ARHGAP45: variants seen among roughly 807,000 people sequenced by gnomAD.
ARHGAP45 encodes Rho GTPase activating protein 45.
Under a neutral mutation model 116.1 loss-of-function variants are expected in ARHGAP45, and 56 were observed. That is an observed-to-expected ratio of 0.48 (90% CI 0.39 to 0.60). The LOEUF (loss-of-function observed/expected upper bound fraction) is 0.60. ARHGAP45 is among the 20% of genes least tolerant of loss of function. ARHGAP45 has a pLI of 0.00. For missense variants in ARHGAP45, 1,622 were observed against 1,601.0 expected, an observed-to-expected ratio of 1.01 and a Z score of -0.22; for synonymous variants, 866 against 701.7, an observed-to-expected ratio of 1.23 and a Z score of -3.70.
rs1206224214 is a variant in ARHGAP45, at chr19:1,080,517, G to A, written c.1882G>A (p.Asp628Asn). The change falls in exon 15 of 23, where the codon GAC (aspartate) becomes AAC (asparagine). Residue 628 changes from aspartate (D) to asparagine (N), a missense_variant. By Grantham distance (23) the Asp-to-Asn change is conservative. Around this residue, in one of 3 missense-constraint regions of ARHGAP45, gnomAD observed 1,334 missense variants for 1,263.8 expected, o/e 1.06. Transcript: ENST00000313093. ...ATGGCCGCTCTCGATCTCAGACTCG[G>A]ACAGTGGGCTGGACCCCGGCCCTGG... ...KSWPLSISDS[D>N]SGLDPGPGAG... 1.1e-5 allele frequency: 17 copies of A among 1,612,950 alleles called. No homozygotes were observed. The highest frequency in any genetic ancestry group is 1.4e-5 in the Non-Finnish European group (17 of 1,179,984).
At chr19:1,083,646 C>T (rs1391191159) in intron 21 of ARHGAP45, among the ~76,000 whole-genome samples, 2 of 152,194 alleles carry the variant, frequency 1.3e-5, no homozygotes, top group African/African-American at 2.4e-5. Flanking sequence ...TTTCCCATCC[C>T]GGTGCTGCCT....
Position 1,067,419 on chromosome 19 carries a change from A to G in ARHGAP45, c.14A>G (p.Lys5Arg). Residue 5 changes from lysine (K) to arginine (R), a missense_variant, in exon 1 of 23, where the codon AAG becomes AGG. Lys to Arg is a conservative substitution (Grantham distance 26, BLOSUM62 2). Coordinates refer to ENST00000313093, the MANE Select transcript of ARHGAP45 (RefSeq NM_012292.5). MFSR[K>R]KRELMKTPSI... ...CGGGGCCCCATCATGTTCTCCAGGA[A>G]GAAACGAGAGCTCATGAAAACCCCT... 1.3e-6 allele frequency: 2 copies of G among 1,597,100 alleles called. No homozygotes were observed. The highest frequency in any genetic ancestry group is 1.7e-6 in the Non-Finnish European group (2 of 1,172,578).
In ARHGAP45 at chr19:1,073,885, G is replaced by A. The variant is rs1276267165; in HGVS notation, c.724-63G>A. 5 of 1,530,988 alleles carry A rather than the reference G, an allele frequency of 3.3e-6. No individual in the cohort carries two copies. In the African/African-American group the frequency reaches 5.5e-5, roughly 17 times the overall value. 94.8% of individuals were successfully genotyped at this position (1,530,988 alleles called of 1,614,324 possible). On this transcript the variant is annotated intron_variant, in intron 5 of 22. Transcript: ENST00000313093. Reference sequence around the variant, plus strand: ...CTGGGGGAGGCAGCAACCGTCCCCTGAAGGGTGGGCACTGCCCAGGGCCCC... The same window carrying A: ...CTGGGGGAGGCAGCAACCGTCCCCTAAAGGGTGGGCACTGCCCAGGGCCCC...
chr19:1,077,032 T>C (rs915890813), intron 10 of ARHGAP45: 13 of 985,176 alleles, frequency 1.3e-5, no homozygotes, highest in Non-Finnish European at 1.4e-5. Context: ...CCTGGCGGTC[T>C]CCTAGTAATT....
In ARHGAP45 at chr19:1,078,333, C is replaced by T. The variant is rs1228514934; in HGVS notation, c.1374+288C>T. ...TAATTTTTTGTATTTTTAGTAGAGACGGGGTTTCACTGTGTTAGCCAGGAT... is the reference window on the plus strand; with the variant it reads ...TAATTTTTTGTATTTTTAGTAGAGATGGGGTTTCACTGTGTTAGCCAGGAT... On this transcript the variant is annotated intron_variant, in intron 11 of 22. Transcript: ENST00000313093. Among the ~76,000 whole-genome samples, 7 of 151,926 alleles carry T rather than the reference C, an allele frequency of 4.6e-5. No homozygotes were observed. The East Asian group carries it at 5.8e-4, about 13-fold the overall frequency.
In ARHGAP45 at chr19:1,077,750, G is replaced by A. The variant is rs1167644035; in HGVS notation, c.1186-107G>A. Reference sequence around the variant, plus strand: ...CCTCTGCATGCCCAGCTGGGCCATGGGGCCTTGCTGAGAGAGATGGGGGTG... The same window carrying A: ...CCTCTGCATGCCCAGCTGGGCCATGAGGCCTTGCTGAGAGAGATGGGGGTG... On this transcript the variant is annotated intron_variant, in intron 10 of 22. Coordinates refer to ENST00000313093, the MANE Select transcript of ARHGAP45 (RefSeq NM_012292.5). 23 of 1,535,576 alleles carry A rather than the reference G, an allele frequency of 1.5e-5. No individual in the cohort carries two copies. In the Admixed American group the frequency reaches 4.3e-4, roughly 29 times the overall value.
chr19:1,084,156 G>C, intron 21 of ARHGAP45, 82 bp from the exon 22 acceptor site: 1 of 1,303,366 alleles, frequency 7.7e-7, no homozygotes, highest in East Asian at 2.3e-5. Context: ...TAGCTGTTAC[G>C]GGCTGTGTGG....
intron 21 of ARHGAP45, 49 bp downstream of exon 21, chr19:1,083,402 AG>A (rs964225204): frequency 7.5e-6 from 11 of 1,465,348 alleles, no homozygotes; most frequent in Non-Finnish European, 1.0e-5. Flanking sequence ...CTTGGGGAGC[AG>A]GGGGCGCTGC....
At chr19:1,083,861 C>G (rs1401984528) in intron 21 of ARHGAP45, among the ~76,000 whole-genome samples, 1 of 152,242 alleles carries the variant, frequency 6.6e-6, no homozygotes, top group African/African-American at 2.4e-5. Flanking sequence ...CTGCCTCAGT[C>G]TCCCGCGTAG....
chr19:1,075,027 G>GCCCC lies in ARHGAP45; in HGVS notation c.1185+153_1185+156dup, dbSNP rs539582612. The GCCCC allele has an allele frequency of 1.6e-3, 711 of 441,106 alleles. 5 individuals carry two copies. Among genetic ancestry groups the GCCCC allele is most frequent in the African/African-American group, 0.015 (660 of 42,834 alleles). The allele number at this position is 441,106 out of a possible 1,614,324, so 27.3% of individuals were successfully genotyped here. The stretch of plus-strand genomic sequence containing the variant: ...CATGCGCGGCCTCGCAGGCTGGGCC[G>GCCCC]CCCCCCCCAACGCCAAGCCGGGTCG... On this transcript the variant is annotated intron_variant, in intron 10 of 22. Transcript: ENST00000313093.
rs938789345 is a variant in ARHGAP45, at chr19:1,080,924, G to A, written c.2050G>A (p.Val684Met). ...DLNGMTPELP[V>M]AVPSGPFRHE... ...CAACGGCATGACCCCCGAGCTGCCG[G>A]TGGCCGTGCCCAGTGGACCGTTCCG... The change falls in exon 17 of 23, where the codon GTG becomes ATG. Residue 684 changes from valine (V) to methionine (M), a missense_variant. Val to Met is a conservative substitution (Grantham distance 21). Around this residue, in one of 3 missense-constraint regions of ARHGAP45, gnomAD observed 1,334 missense variants for 1,263.8 expected, o/e 1.06. Coordinates refer to ENST00000313093, the MANE Select transcript of ARHGAP45 (RefSeq NM_012292.5). The A allele has an allele frequency of 2.5e-6, 4 of 1,609,268 alleles. No homozygotes were observed. The highest frequency in any genetic ancestry group is 2.2e-5 in the East Asian group (1 of 44,762).
At position 1,067,179 on chromosome 19, in the gene ARHGAP45, C is replaced by T. The variant is rs537674408; in HGVS notation, c.-227C>T. On this transcript the variant is annotated 5_prime_UTR_variant, in exon 1 of 23. Coordinates refer to ENST00000313093, the MANE Select transcript of ARHGAP45 (RefSeq NM_012292.5). ...CACCTTCGCGCCCACTCCGCAGAGC[C>T]GCAGGCTGAGGCCGGGAAGGGTCGG... 7.7e-7 allele frequency: 1 copy of T among 1,298,788 alleles called. No homozygotes were observed. Among genetic ancestry groups the T allele is most frequent in the Non-Finnish European group, 9.7e-7 (1 of 1,026,502 alleles). 80.5% of individuals were successfully genotyped at this position (1,298,788 alleles called of 1,614,324 possible). A position where few individuals can be genotyped will look rare whatever the true frequency, so the allele number is the denominator to read the frequency against.
chr19:1,077,991 G>A lies in ARHGAP45; in HGVS notation c.1320G>A (p.Thr440=), dbSNP rs376111222. 2.3e-5 allele frequency: 35 copies of A among 1,554,950 alleles called. No individual in the cohort carries two copies. Among genetic ancestry groups the A allele is most frequent in the African/African-American group, 1.6e-4 (12 of 73,298 alleles). The part of the protein sequence containing the change: ...QAGSAPGAGS[T]ATKTLDKRRR... ...GCAGCGCGCCGGGAGCAGGCAGCACGGCCACCAAGACCCTGGACAAGCGGC... is the reference window on the plus strand; with the variant it reads ...GCAGCGCGCCGGGAGCAGGCAGCACAGCCACCAAGACCCTGGACAAGCGGC... The change falls in exon 11 of 23, where the codon ACG becomes ACA. Residue 440 remains threonine (T), a synonymous_variant. Coordinates refer to ENST00000313093, the MANE Select transcript of ARHGAP45 (RefSeq NM_012292.5).
At chr19:1,075,703 T>C (rs1395841235) in intron 10 of ARHGAP45, among the ~76,000 whole-genome samples, 1 of 152,180 alleles carries the variant, frequency 6.6e-6, no homozygotes, top group Non-Finnish European at 1.5e-5. Context: ...AGACTTGCCT[T>C]CTTGGGCTGC....
chr19:1,067,830 G>A (rs963687210), intron 1 of ARHGAP45, among the ~76,000 whole-genome samples: 4 of 152,094 alleles, frequency 2.6e-5, no homozygotes, highest in Non-Finnish European at 4.4e-5. Flanking sequence ...TCTAGGGGCC[G>A]TTGAGATGGG....
chr19:1,071,372 T>G lies in ARHGAP45; in HGVS notation c.422-1777T>G. 1 of 1,285,982 alleles carries G rather than the reference T, an allele frequency of 7.8e-7. No homozygotes were observed. The highest frequency in any genetic ancestry group is 9.8e-7 in the Non-Finnish European group (1 of 1,016,298). The allele number at this position is 1,285,982 out of a possible 1,614,324, so 79.7% of individuals were successfully genotyped here. A position where few individuals can be genotyped will look rare whatever the true frequency, so the allele number is the denominator to read the frequency against. On this transcript the variant is annotated intron_variant, in intron 2 of 22. Transcript: ENST00000313093. This position sits in a 1 kb window ranked among gnomAD's most constrained non-coding sequence, Gnocchi z 4.6. ...CGGGCCCCCGAGGTGAGGGGACAGG[T>G]GCCGGGCGCTGGGTCCCGCCGCGTC...
At position 1,085,939 on chromosome 19, in the gene ARHGAP45, C is replaced by A; in HGVS notation, c.3344C>A (p.Pro1115His). Residue 1115 changes from proline to histidine, a missense_variant, in exon 23 of 23, where the codon CCC becomes CAC. Physicochemically the swap from Pro to His is moderately conservative, Grantham distance 77 (BLOSUM62 -2). Coordinates refer to ENST00000313093, the MANE Select transcript of ARHGAP45 (RefSeq NM_012292.5). ...AACGTGCTGCAGGCCCCACTGCCCC[C>A]CATGAGGCTCCGTGGCGGGCGGATG... Reference protein sequence around the residue: ...SNNVLQAPLPPMRLRGGRMTL... With the variant: ...SNNVLQAPLPHMRLRGGRMTL... 1 of 1,612,966 alleles carries A rather than the reference C, an allele frequency of 6.2e-7. No homozygotes were observed. The highest frequency in any genetic ancestry group is 8.5e-7 in the Non-Finnish European group (1 of 1,179,954).
intron 19 of ARHGAP45, 23 bp downstream of exon 19, chr19:1,081,984 AG>A (rs745396063): frequency 6.3e-7 from 1 of 1,598,786 alleles, no homozygotes; most frequent in Non-Finnish European, 8.5e-7. Context: ...GGTGGTGGCC[AG>A]GCAGAGCCTG....
At position 1,068,470 on chromosome 19, in the gene ARHGAP45, G is replaced by A. The variant is rs750801168; in HGVS notation, c.147G>A (p.Pro49=). 20 of 1,582,698 alleles carry A rather than the reference G, an allele frequency of 1.3e-5. No homozygotes were observed. The East Asian group carries it at 1.6e-4, about 13-fold the overall frequency. ...TGTTCCCCGGACCAAGCCTGGAGCC[G>A]CCCGCTGGGTCCTCCGGCGTCAAGG... ...DAVFPGPSLE[P]PAGSSGVKAT... Residue 49 remains proline (P), a synonymous_variant, in exon 2 of 23, where the codon CCG becomes CCA. Transcript: ENST00000313093. This position sits in a 1 kb window ranked among gnomAD's most constrained non-coding sequence, Gnocchi z 7.5.
Sources: allele counts gnomAD v4.1 joint callset (sites outside exome capture counted in the v4.1 genomes callset), GRCh38; gene constraint gnomAD v4.1.1; regional missense constraint gnomAD v4.1.1; non-coding constraint Gnocchi (gnomAD v3.1); transcripts MANE v1.5; gene names NCBI Gene and HGNC (gene_info 2026-07-23, HGNC 2026-07-21).